Variants in DZIP3 observed in about 807,000 individuals in gnomAD.
DZIP3 encodes the protein E3 ubiquitin-protein ligase DZIP3.
Under a neutral mutation model 162.0 loss-of-function variants are expected in DZIP3, and 118 were observed. That is an observed-to-expected ratio of 0.73 (90% CI 0.63 to 0.85). The LOEUF (loss-of-function observed/expected upper bound fraction) is 0.85. Ranked by LOEUF, DZIP3 falls within the 40% of genes least tolerant of loss-of-function variation. DZIP3 has a pLI of 0.00. For missense variants in DZIP3, 1,331 were observed against 1,407.0 expected, an observed-to-expected ratio of 0.95 and a Z score of 0.86; for synonymous variants, 438 against 458.6, an observed-to-expected ratio of 0.96 and a Z score of 0.57.
At chr3:108,652,140 C>A (rs1942896258) in intron 18 of DZIP3, among the ~76,000 whole-genome samples, 1 of 151,768 alleles carries the variant, frequency 6.6e-6, no homozygotes. Context: ...ATTTTGCTTA[C>A]ACAGTGGATC....
chr3:108,622,899 T>C (rs1941430741), intron 5 of DZIP3, among the ~76,000 whole-genome samples: 1 of 150,058 alleles, frequency 6.7e-6, no homozygotes, highest in Admixed American at 6.7e-5. Context: ...TGTGTGTGTA[T>C]GGAGCTGCCT....
chr3:108,652,197 T>G (rs1275049311), intron 18 of DZIP3, among the ~76,000 whole-genome samples: 1 of 151,850 alleles, frequency 6.6e-6, no homozygotes, highest in African/African-American at 2.4e-5. Context: ...TGTCTTTAAA[T>G]GAGAATTTTC....
At position 108,625,893 on chromosome 3, in the gene DZIP3, C is replaced by G; in HGVS notation, c.505C>G (p.Gln169Glu). Residue 169 changes from glutamine to glutamate, a missense_variant, in exon 7 of 33, where the codon CAA (glutamine) becomes GAA (glutamate). By Grantham distance (29) the Gln-to-Glu change is conservative (BLOSUM62 2). This residue lies in a region of DZIP3 where 1,278 missense variants were observed against 1,317.1 expected (regional missense o/e 0.97). Transcript: ENST00000361582. ...NKFLVMKMMI[Q>E]ENEICENFMS... is the part of the protein sequence containing the mutation. Reference sequence around the variant, plus strand: ...ATTTCTGGTGATGAAGATGATGATCCAAGAAAATGAAATTTGTGAAAACTT... The same window carrying G: ...ATTTCTGGTGATGAAGATGATGATCGAAGAAAATGAAATTTGTGAAAACTT... The G allele has an allele frequency of 6.2e-7, 1 of 1,612,734 alleles. No individual in the cohort carries two copies. The highest frequency in any genetic ancestry group is 8.5e-7 in the Non-Finnish European group (1 of 1,179,424).
chr3:108,668,378 C>T (rs1943769239), intron 21 of DZIP3, among the ~76,000 whole-genome samples: 4 of 151,950 alleles, frequency 2.6e-5, no homozygotes, highest in Admixed American at 2.6e-4. Context: ...GAAGTTAAGA[C>T]TGCCTGAACA....
At chr3:108,622,055 A>G (rs1941379925) in intron 5 of DZIP3, among the ~76,000 whole-genome samples, 1 of 152,094 alleles carries the variant, frequency 6.6e-6, no homozygotes, top group Non-Finnish European at 1.5e-5. Flanking sequence ...AATTAAAATA[A>G]TGAGATCCTG....
At chr3:108,688,559 T>C (rs772097867) in intron 29 of DZIP3, 34 bp from the exon 30 acceptor site, 1 of 1,599,612 alleles carries the variant, frequency 6.3e-7, no homozygotes, top group Non-Finnish European at 8.5e-7. Context: ...TTAGGATAAT[T>C]CTGAAAAAAT....
intron 5 of DZIP3, among the ~76,000 whole-genome samples, chr3:108,623,637 C>T (rs1941468186): frequency 6.6e-6 from 1 of 152,170 alleles, no homozygotes; most frequent in Non-Finnish European, 1.5e-5. Context: ...CCCTTGCCTG[C>T]CCCATCTGGT....
chr3:108,653,507 G>GTGTGTATA lies in DZIP3; in HGVS notation c.2034-637_2034-636insGTGTATAT, dbSNP rs1273159630. ...TGGTTAATTGCCATTGTGTGTGTGTGTATATATATATATATATATATATAT... is the reference window on the plus strand; with the variant it reads ...TGGTTAATTGCCATTGTGTGTGTGTGTGTGTATATATATATATATATATATATATATAT... On this transcript the variant is annotated intron_variant, in intron 18 of 32. Transcript: ENST00000361582. Among the ~76,000 whole-genome samples, 435 of 104,552 alleles carry GTGTGTATA rather than the reference G, an allele frequency of 4.2e-3. 3 individuals are homozygous for GTGTGTATA. The highest frequency in any genetic ancestry group is 7.4e-3 in the Non-Finnish European group (370 of 49,712). 68.6% of individuals were successfully genotyped at this position (104,552 alleles called of 152,430 possible). A position where few individuals can be genotyped will look rare whatever the true frequency, so the allele number is the denominator to read the frequency against.
In DZIP3 at chr3:108,648,054, A is replaced by C. The variant is rs1440850461; in HGVS notation, c.1904A>C (p.Lys635Thr). The C allele has an allele frequency of 6.2e-7, 1 of 1,612,324 alleles. No homozygotes were observed. The highest frequency in any genetic ancestry group is 1.3e-5 in the African/African-American group (1 of 74,834). The change falls in exon 16 of 33, where the codon AAA (lysine) becomes ACA (threonine). Residue 635 changes from lysine to threonine, a missense_variant. This residue lies in a region of DZIP3 where 1,278 missense variants were observed against 1,317.1 expected (regional missense o/e 0.97). Transcript: ENST00000361582. ...GAGATACAGTTTGCAGAAATTAATA[A>C]AGATGGGACCTCAATACCCAGTGAA... The part of the protein sequence containing the change: ...HPEIQFAEIN[K>T]DGTSIPSESS...
chr3:108,597,437 A>G (rs997942698), intron 1 of DZIP3, among the ~76,000 whole-genome samples: 1 of 152,086 alleles, frequency 6.6e-6, no homozygotes, highest in Non-Finnish European at 1.5e-5. Context: ...ATTGTTTCTG[A>G]ATCCAGTGTT....
chr3:108,654,216 T>C lies in DZIP3; in HGVS notation c.2105T>C (p.Ile702Thr), dbSNP rs201554021. The change falls in exon 19 of 33, where the codon ATA becomes ACA. Residue 702 changes from isoleucine to threonine, a missense_variant. Coordinates refer to ENST00000361582, the MANE Select transcript of DZIP3 (RefSeq NM_014648.4). The stretch of plus-strand genomic sequence containing the variant: ...AATCCACACTCAGTCAGTAGACTTA[T>C]AAAAGATGATGCAAGTGATGTTCAA... ...QANPHSVSRL[I>T]KDDASDVQED... 8.6e-5 allele frequency: 139 copies of C among 1,613,670 alleles called. 1 individual carries two copies. The highest frequency in any genetic ancestry group is 1.0e-4 in the Admixed American group (6 of 59,988).
At chr3:108,599,229 G>A (rs1393671844) in intron 1 of DZIP3, among the ~76,000 whole-genome samples, 2 of 152,126 alleles carry the variant, frequency 1.3e-5, no homozygotes, top group East Asian at 1.9e-4. Context: ...GATCTTTTGG[G>A]ATAGAAAATA....
At chr3:108,688,771 G>T in intron 30 of DZIP3, 35 bp downstream of exon 30, 2 of 1,613,868 alleles carry the variant, frequency 1.2e-6, no homozygotes, top group Admixed American at 3.3e-5. Flanking sequence ...AACACATTTA[G>T]ATTTGGGAGA....
intron 1 of DZIP3, among the ~76,000 whole-genome samples, chr3:108,593,899 G>A (rs1465171840): frequency 2.0e-5 from 3 of 151,858 alleles, no homozygotes; most frequent in African/African-American, 4.8e-5. Flanking sequence ...TCCTGGTCTC[G>A]AGTGATCCGC....
At position 108,669,566 on chromosome 3, in the gene DZIP3, TG is replaced by T. The variant is rs2107339535; in HGVS notation, c.2424-114del. The T allele has an allele frequency of 3.7e-6, 3 of 815,642 alleles. No individual in the cohort carries two copies. The East Asian group carries it at 8.0e-5, about 22-fold the overall frequency. The allele number at this position is 815,642 out of a possible 1,614,324, so 50.5% of individuals were successfully genotyped here. On this transcript the variant is annotated intron_variant, in intron 21 of 32. Coordinates refer to ENST00000361582, the MANE Select transcript of DZIP3 (RefSeq NM_014648.4). ...TTCAGTTGTATTCAGGCTCAAGATT[TG>T]TGGCCCCAAATGGACATACTTTATC...
At chr3:108,676,015 C>T (rs1944096056) in intron 25 of DZIP3, 142 bp downstream of exon 25, 4 of 671,980 alleles carry the variant, frequency 6.0e-6, no homozygotes, top group Non-Finnish European at 7.5e-6. Flanking sequence ...TTTGAGATTA[C>T]TTCCATGTGG....
At chr3:108,688,536 A>G in intron 29 of DZIP3, 57 bp from the exon 30 acceptor site, 1 of 1,558,312 alleles carries the variant, frequency 6.4e-7, no homozygotes, top group East Asian at 2.2e-5. Context: ...CTAATGTTTC[A>G]GCTCTTACTG....
In DZIP3 at chr3:108,644,247, C is replaced by T. The variant is rs777080398; in HGVS notation, c.1225C>T (p.Arg409Ter). Residue 409 changes from arginine to a stop codon, truncating the protein, a stop_gained, in exon 14 of 33, where the codon CGA (arginine) becomes TGA (stop). Transcript: ENST00000361582. LOFTEE classifies it high-confidence loss of function. ...IIIISGTDIV[R>*]QIFDEAMPPP... The stretch of plus-strand genomic sequence containing the variant: ...TATTATTTCTGGTACTGACATTGTT[C>T]GACAAATATTTGATGAGGCTATGCC... 10 of 1,613,456 alleles carry T rather than the reference C, an allele frequency of 6.2e-6. No individual in the cohort carries two copies. Among genetic ancestry groups the T allele is most frequent in the African/African-American group, 5.3e-5 (4 of 74,820 alleles).
intron 12 of DZIP3, among the ~76,000 whole-genome samples, chr3:108,640,741 G>A (rs187759563): frequency 1.3e-5 from 2 of 152,186 alleles, no homozygotes; most frequent in Non-Finnish European, 2.9e-5. Context: ...ACCATGCTCG[G>A]CCTTAACATC....
Sources: gnomAD v4.1 joint callset for allele counts (sites outside exome capture counted in the v4.1 genomes callset) on GRCh38, gnomAD v4.1.1 for gene constraint, gnomAD v4.1.1 regional missense constraint, MANE v1.5 for transcripts, NCBI Gene and HGNC (gene_info 2026-07-23, HGNC 2026-07-21) for gene names.